INTS9: variants seen among roughly 807,000 people sequenced by gnomAD.
INTS9 encodes protein related to CPSF subunits of 74 kDa.
A neutral mutation model predicts 79.7 loss-of-function variants in INTS9; 55 were observed. That is an observed-to-expected ratio of 0.69 (90% confidence interval 0.56 to 0.86). INTS9 has a LOEUF of 0.86. Ranked by LOEUF, INTS9 falls within the 40% of genes least tolerant of loss-of-function variation. The pLI is 0.00. For synonymous variants in INTS9, 319 were observed against 325.2 expected (o/e 0.98, Z 0.20); for missense variants, 721 against 831.5 (o/e 0.87, Z 1.64).
At chr8:28,856,046 A>G (rs1050890283) in intron 2 of INTS9, among the ~76,000 whole-genome samples, 11 of 152,234 alleles carry the variant, frequency 7.2e-5, no homozygotes, top group African/African-American at 2.7e-4. Context: ...TAGGATTTCA[A>G]ATAAAAAGTC....
intron 1 of INTS9, among the ~76,000 whole-genome samples, chr8:28,869,884 G>A (rs1045914870): frequency 3.3e-5 from 5 of 151,992 alleles, no homozygotes; most frequent in African/African-American, 1.2e-4. Context: ...CTGCCACTTA[G>A]GGCTGCTCCC....
intron 10 of INTS9, among the ~76,000 whole-genome samples, chr8:28,790,981 A>G (rs1181078919): frequency 1.3e-5 from 2 of 152,172 alleles, no homozygotes; most frequent in Non-Finnish European, 2.9e-5. Context: ...TGTAGAACCT[A>G]TTTTGTTTGG....
chr8:28,889,745 C>T, intron 1 of INTS9, 129 bp downstream of exon 1: 1 of 990,388 alleles, frequency 1.0e-6, no homozygotes, highest in African/African-American at 1.6e-5. Flanking sequence ...TTTCCTTAGC[C>T]CACTCCACTT....
chr8:28,790,152 C>G (rs186049211), intron 10 of INTS9, among the ~76,000 whole-genome samples: 1 of 152,284 alleles, frequency 6.6e-6, no homozygotes, highest in Admixed American at 6.5e-5. Context: ...TGATAGGGAA[C>G]AGCAGGCCGG....
At chr8:28,885,221 T>G (rs541839226) in intron 1 of INTS9, among the ~76,000 whole-genome samples, 1 of 152,370 alleles carries the variant, frequency 6.6e-6, no homozygotes, top group South Asian at 2.1e-4. Flanking sequence ...CGTGGCCTTC[T>G]CAAGTTTTAA....
At chr8:28,773,516 C>T (rs1802688902) in intron 14 of INTS9, among the ~76,000 whole-genome samples, 1 of 150,644 alleles carries the variant, frequency 6.6e-6, no homozygotes, top group Non-Finnish European at 1.5e-5. Context: ...TTATGACAGA[C>T]CATTATGCAA....
chr8:28,769,627 CAT>C lies in INTS9; in HGVS notation c.1800+260_1800+261del, dbSNP rs540447278. 224 of 445,034 alleles carry C rather than the reference CAT, an allele frequency of 5.0e-4. 1 individual carries two copies. Among genetic ancestry groups the C allele is most frequent in the East Asian group, 3.1e-3 (73 of 23,242 alleles). 27.6% of individuals were successfully genotyped at this position (445,034 alleles called of 1,614,324 possible). Reference sequence around the variant, plus strand: ...CCTCACTACCCTGCCCCACTCGTCACATGTGTGTGTGGAAGCAGCTTTTTCTT... The same window carrying C: ...CCTCACTACCCTGCCCCACTCGTCACGTGTGTGTGGAAGCAGCTTTTTCTT... On this transcript the variant is annotated intron_variant, in intron 16 of 16. Transcript: ENST00000521022.
intron 10 of INTS9, among the ~76,000 whole-genome samples, chr8:28,789,179 A>T (rs1803784782): frequency 6.6e-6 from 1 of 152,242 alleles, no homozygotes; most frequent in South Asian, 2.1e-4. Context: ...GACAAATATA[A>T]GAGCTTGGTT....
At chr8:28,780,615 G>A in intron 12 of INTS9, 1 of 985,482 alleles carries the variant, frequency 1.0e-6, no homozygotes. Flanking sequence ...ACACAGGCAT[G>A]AAGGCCTCGC....
intron 12 of INTS9, chr8:28,780,417 T>A: frequency 2.0e-6 from 2 of 983,526 alleles, no homozygotes; most frequent in Non-Finnish European, 2.4e-6. Context: ...TTTTTTCCCC[T>A]GAGGGATTTG....
Position 28,806,975 on chromosome 8 carries a change from A to G in INTS9, c.744+5352T>C, listed in dbSNP as rs188062226. On this transcript the variant is annotated intron_variant, in intron 8 of 16. Coordinates refer to ENST00000521022, the MANE Select transcript of INTS9 (RefSeq NM_018250.4). ...TAAATCCAAAGTAAAGAAGGAAGGA[A>G]GGAGATAAAGGGCAGAACAAAGGAT... is the stretch of plus-strand genomic sequence containing the variant. Among the ~76,000 whole-genome samples, 304 of 152,288 alleles carry G rather than the reference A, an allele frequency of 2.0e-3. 1 individual carries two copies. Among genetic ancestry groups the G allele is most frequent in the Non-Finnish European group, 2.1e-3 (142 of 68,012 alleles).
chr8:28,881,435 T>G (rs1335796042), intron 1 of INTS9, among the ~76,000 whole-genome samples: 8 of 90,760 alleles, frequency 8.8e-5, no homozygotes, highest in African/African-American at 2.2e-4. Flanking sequence ...GGTGGGGGGG[T>G]CAGCCCCCCG....
At chr8:28,780,319 C>CTAGCA (rs1803180602) in intron 12 of INTS9, 2 of 942,980 alleles carry the variant, frequency 2.1e-6, no homozygotes, top group Non-Finnish European at 1.3e-6. Flanking sequence ...CAAAAAAGAC[C>CTAGCA]TAGCATTCAA....
chr8:28,881,159 G>T (rs1251930943), intron 1 of INTS9, among the ~76,000 whole-genome samples: 9 of 144,572 alleles, frequency 6.2e-5, no homozygotes, highest in African/African-American at 1.5e-4. Flanking sequence ...TGGCCGCCCC[G>T]TCCGGGAGGT....
At chr8:28,785,355 A>G (rs1033832606) in intron 11 of INTS9, among the ~76,000 whole-genome samples, 4 of 152,228 alleles carry the variant, frequency 2.6e-5, no homozygotes, top group Admixed American at 6.5e-5. Flanking sequence ...ATAAATTATT[A>G]CTGCGGTGGC....
chr8:28,880,099 T>C (rs1421326718), intron 1 of INTS9, among the ~76,000 whole-genome samples: 6 of 151,844 alleles, frequency 4.0e-5, no homozygotes, highest in Non-Finnish European at 8.8e-5. Context: ...CATTTACATA[T>C]TAAAACTACT....
At chr8:28,769,659 C>G in intron 16 of INTS9, 1 of 533,832 alleles carries the variant, frequency 1.9e-6, no homozygotes, top group Non-Finnish European at 3.3e-6. Context: ...TTTCTTCAGT[C>G]TGGAGAGGCC....
chr8:28,771,765 G>GC (rs1165907665), intron 14 of INTS9, among the ~76,000 whole-genome samples: 2 of 152,200 alleles, frequency 1.3e-5, no homozygotes, highest in Admixed American at 1.3e-4. Flanking sequence ...CTCCACACAG[G>GC]CCCCTCCTCC....
chr8:28,777,445 G>T (rs912645530), intron 13 of INTS9, among the ~76,000 whole-genome samples: 4 of 152,044 alleles, frequency 2.6e-5, no homozygotes, highest in Admixed American at 2.6e-4. Context: ...AAACCCGACA[G>T]CACTGTTTGT....
Sources: gnomAD v4.1 joint callset for allele counts (sites outside exome capture counted in the v4.1 genomes callset) on GRCh38, gnomAD v4.1.1 for gene constraint, MANE v1.5 for transcripts, NCBI Gene and HGNC (gene_info 2026-07-23, HGNC 2026-07-21) for gene names.